Variants in TFEC observed in about 807,000 individuals in gnomAD.
The protein encoded by TFEC is transcription factor EC.
Under a neutral mutation model 41.6 loss-of-function variants are expected in TFEC, and 31 were observed. The ratio of observed to expected loss-of-function variants is 0.74; its 90% CI spans 0.56 to 1.01. The LOEUF is 1.01. Among genes scored for constraint, TFEC ranks in the 50% least tolerant of loss-of-function variants. The probability of loss-of-function intolerance (pLI) is 0.00; values close to 1 mark genes in which losing one functional copy is unlikely to be tolerated. For synonymous variants in TFEC, 143 were observed against 140.6 expected (o/e 1.02, Z -0.12); for missense variants, 402 against 404.1 (o/e 0.99, Z 0.04).
intron 1 of TFEC, among the ~76,000 whole-genome samples, chr7:116,148,550 A>T (rs1798689873): frequency 6.6e-6 from 1 of 152,174 alleles, no homozygotes; most frequent in African/African-American, 2.4e-5. Context: ...TATTTTGAGT[A>T]TAAAATGACA....
At chr7:116,008,390 T>C (rs539218758) in intron 1 of TFEC, among the ~76,000 whole-genome samples, 45 of 152,248 alleles carry the variant, frequency 3.0e-4, no homozygotes, top group African/African-American at 1.0e-3. Context: ...CATAGGCACA[T>C]ATACATATCA....
rs1306754398 is a variant in TFEC, at chr7:115,939,101, T to A, written c.*1450A>T. 6.6e-6 allele frequency: 1 copy of A among 152,056 alleles called. No individual in the cohort carries two copies. Among genetic ancestry groups the A allele is most frequent in the Non-Finnish European group, 1.5e-5 (1 of 67,978 alleles). 9.4% of individuals were successfully genotyped at this position (152,056 alleles called of 1,614,324 possible). ...TTCATTTTCTCTGACCTTCTGTATT[T>A]ACAGTTTATGCTTAGATTTTTTATT... On this transcript the variant is annotated 3_prime_UTR_variant, in exon 8 of 8. Coordinates refer to ENST00000265440, the MANE Select transcript of TFEC (RefSeq NM_012252.4).
chr7:115,988,562 A>C (rs1336496286), intron 1 of TFEC, among the ~76,000 whole-genome samples: 1 of 152,092 alleles, frequency 6.6e-6, no homozygotes, highest in Non-Finnish European at 1.5e-5. Flanking sequence ...GAAACAAAAA[A>C]GAATATCTAA....
intron 1 of TFEC, among the ~76,000 whole-genome samples, chr7:116,137,026 G>T (rs190670327): frequency 2.2e-4 from 33 of 151,868 alleles, no homozygotes; most frequent in African/African-American, 7.5e-4. Flanking sequence ...ATCAATATTT[G>T]CTGTTTAAAG....
At chr7:115,967,437 T>C (rs1027045851) in intron 3 of TFEC, among the ~76,000 whole-genome samples, 1 of 151,774 alleles carries the variant, frequency 6.6e-6, no homozygotes, top group African/African-American at 2.4e-5. Flanking sequence ...GAGTGCACAA[T>C]GCATGCAAAA....
intron 3 of TFEC, among the ~76,000 whole-genome samples, chr7:116,079,228 G>A (rs1358541379): frequency 6.6e-6 from 1 of 152,018 alleles, no homozygotes; most frequent in African/African-American, 2.4e-5. Flanking sequence ...ACACACTACT[G>A]AATGGGAAAA....
chr7:116,115,234 G>C (rs1797954119), intron 1 of TFEC, among the ~76,000 whole-genome samples: 2 of 151,818 alleles, frequency 1.3e-5, no homozygotes, highest in South Asian at 4.1e-4. Context: ...AGACAGTTTT[G>C]GATACAAACT....
At position 116,107,523 on chromosome 7, in the gene TFEC, T is replaced by C. The variant is rs550792793; in HGVS notation, c.198+3185A>G. ...TGTTTGCTGCAAGGAGGAGCTGGTCTGAGAACAAAGACAATATGCAGAGAG... is the reference window on the plus strand; with the variant it reads ...TGTTTGCTGCAAGGAGGAGCTGGTCCGAGAACAAAGACAATATGCAGAGAG... On this transcript the variant is annotated intron_variant, in intron 3 of 8. Transcript: ENST00000484212. 2.0e-5 allele frequency among the ~76,000 whole-genome samples: 3 copies of C among 152,294 alleles called. No individual in the cohort carries two copies. In the South Asian group the frequency reaches 6.2e-4, roughly 32 times the overall value.
chr7:115,952,347 T>C (rs1268811423), intron 5 of TFEC, among the ~76,000 whole-genome samples: 1 of 151,902 alleles, frequency 6.6e-6, no homozygotes, highest in Non-Finnish European at 1.5e-5. Flanking sequence ...TACACACATA[T>C]AATACATATA....
chr7:116,020,638 A>C (rs907227557), intron 1 of TFEC, among the ~76,000 whole-genome samples: 1 of 152,202 alleles, frequency 6.6e-6, no homozygotes, highest in African/African-American at 2.4e-5. Context: ...TCACACAGCA[A>C]AAATTTTAAA....
At chr7:115,971,715 T>A (rs1386176852) in intron 3 of TFEC, among the ~76,000 whole-genome samples, 2 of 152,018 alleles carry the variant, frequency 1.3e-5, no homozygotes, top group South Asian at 4.1e-4. Flanking sequence ...AAACTTCCTC[T>A]TTCTTGTGAA....
intron 3 of TFEC, among the ~76,000 whole-genome samples, chr7:116,047,764 T>C (rs546335819): frequency 6.6e-6 from 1 of 152,212 alleles, no homozygotes; most frequent in South Asian, 2.1e-4. Flanking sequence ...AGGGGGAAAC[T>C]GACACCTCAT....
intron 1 of TFEC, among the ~76,000 whole-genome samples, chr7:116,119,433 A>C (rs142362676): frequency 1.3e-5 from 2 of 151,946 alleles, no homozygotes; most frequent in South Asian, 2.1e-4. Context: ...AACTACATAG[A>C]AAATCTCTGA....
intron 2 of TFEC, among the ~76,000 whole-genome samples, chr7:115,974,795 T>C (rs1039173385): frequency 3.1e-4 from 47 of 151,942 alleles, no homozygotes; most frequent in African/African-American, 8.9e-4. Context: ...CATTTCATCC[T>C]ACCTTCTCTA....
At chr7:115,968,271 A>G (rs1792965735) in intron 3 of TFEC, 4 of 1,528,104 alleles carry the variant, frequency 2.6e-6, no homozygotes, top group Non-Finnish European at 2.6e-6. Context: ...TTAAACTTGC[A>G]AACAATAACC....
At chr7:116,093,484 G>T (rs539010710) in intron 3 of TFEC, among the ~76,000 whole-genome samples, 5 of 152,078 alleles carry the variant, frequency 3.3e-5, no homozygotes, top group South Asian at 2.1e-4. Flanking sequence ...AATATTAGAC[G>T]TATATGCTCC....
rs372627154 is a variant in TFEC at position 116,053,801 on chromosome 7, A to G, written c.198+56907T>C. ...TACAACTTTGGACATCTCAATCTCCAGAACTATAAGAAATAAATTACTTTT... is the reference window on the plus strand; with the variant it reads ...TACAACTTTGGACATCTCAATCTCCGGAACTATAAGAAATAAATTACTTTT... On this transcript the variant is annotated intron_variant, in intron 3 of 8. Transcript: ENST00000484212. Among the ~76,000 whole-genome samples, 48 of 152,242 alleles carry G rather than the reference A, an allele frequency of 3.2e-4. 1 individual carries two copies. Among genetic ancestry groups the G allele is most frequent in the Admixed American group, 1.0e-3 (16 of 15,280 alleles).
intron 1 of TFEC, among the ~76,000 whole-genome samples, chr7:115,991,300 G>C (rs1473063096): frequency 1.3e-5 from 2 of 152,158 alleles, no homozygotes; most frequent in African/African-American, 4.8e-5. Flanking sequence ...ATCGATGCTA[G>C]GAAGAAACTG....
intron 5 of TFEC, among the ~76,000 whole-genome samples, chr7:115,952,264 T>A (rs11760741): frequency 0.14 from 21,337 of 151,808 alleles, 2,045 homozygotes; most frequent in Non-Finnish European, 0.21. Context: ...GTGCACATAA[T>A]TCAAATAACA....
Sources: gnomAD v4.1 joint callset for allele counts (sites outside exome capture counted in the v4.1 genomes callset) on GRCh38, gnomAD v4.1.1 for gene constraint, MANE v1.5 for transcripts, NCBI Gene and HGNC (gene_info 2026-07-23, HGNC 2026-07-21) for gene names.